Variants in STK3 observed in about 807,000 individuals in gnomAD.
STK3 encodes serine/threonine kinase 3, also known as serine/threonine-protein kinase 3.
A neutral mutation model predicts 58.0 loss-of-function variants in STK3; 41 were observed. That is an observed-to-expected ratio of 0.71 (90% CI 0.55 to 0.92). The LOEUF (loss-of-function observed/expected upper bound fraction) is 0.92, where lower values mean the gene tolerates loss of function less well. Among genes scored for constraint, STK3 ranks in the 40% least tolerant of loss-of-function variants. STK3 has a pLI of 0.00. For synonymous variants in STK3, 170 were observed against 191.0 expected, an observed-to-expected ratio of 0.89 and a Z score of 0.91; for missense variants, 479 against 602.7, an observed-to-expected ratio of 0.79 and a Z score of 2.15.
At chr8:98,919,142 A>G (rs1163032587) in intron 1 of STK3, among the ~76,000 whole-genome samples, 1 of 152,200 alleles carries the variant, frequency 6.6e-6, no homozygotes, top group African/African-American at 2.4e-5. Flanking sequence ...CATATCCAAC[A>G]GGCCCCAGGG....
At chr8:98,351,956 G>A in the STK3 span, among the ~76,000 whole-genome samples, 5 of 151,994 alleles carry the variant, frequency 3.3e-5, no homozygotes, top group South Asian at 4.1e-4. Flanking sequence ...TCAGGAGATC[G>A]AGACCATCCT....
chr8:98,557,180 G>T (rs10955187), intron 8 of STK3, among the ~76,000 whole-genome samples: 48,700 of 151,912 alleles, frequency 0.32, 8,198 homozygotes, highest in East Asian at 0.46. Context: ...CATGCATAAC[G>T]GAATTCGGGG....
chr8:98,644,449 A>G (rs1167126312), intron 6 of STK3, among the ~76,000 whole-genome samples: 2 of 152,152 alleles, frequency 1.3e-5, no homozygotes, highest in African/African-American at 4.8e-5. Context: ...TTTGTTTAAT[A>G]TTTCTAAGTC....
the STK3 span, among the ~76,000 whole-genome samples, chr8:98,362,809 C>T: frequency 6.6e-6 from 1 of 152,232 alleles, no homozygotes; most frequent in African/African-American, 2.4e-5. Context: ...GCTCCCTTCA[C>T]TTCCTTAGCC....
rs1426630666 is a variant in STK3, at chr8:98,526,498, A to G, written c.1317+244T>C. The G allele has an allele frequency of 1.7e-4, 47 of 268,732 alleles. No individual in the cohort carries two copies. In the Admixed American group the frequency reaches 2.5e-3, roughly 14 times the overall value. The allele number at this position is 268,732 out of a possible 1,614,324, so 16.6% of individuals were successfully genotyped here. A position where few individuals can be genotyped will look rare whatever the true frequency, so the allele number is the denominator to read the frequency against. ...TAGTTTTAAGGAGTCCTGAATATTT[A>G]TTTAAATTTGAGCTATGATTTATTT... On this transcript the variant is annotated intron_variant, in intron 10 of 10. Coordinates refer to ENST00000419617, the MANE Select transcript of STK3 (RefSeq NM_006281.4).
chr8:98,617,480 A>C (rs1817852133), intron 6 of STK3, among the ~76,000 whole-genome samples: 3 of 144,554 alleles, frequency 2.1e-5, no homozygotes, highest in Admixed American at 6.9e-5. Flanking sequence ...AACTGAAGGA[A>C]ATAGAGACAC....
intron 2 of STK3, 95 bp downstream of exon 2, chr8:98,774,644 C>T (rs1021357411): frequency 2.4e-6 from 2 of 840,134 alleles, no homozygotes; most frequent in East Asian, 6.0e-5. Flanking sequence ...CTATTCAATT[C>T]ATACGAATAT....
intron 6 of STK3, among the ~76,000 whole-genome samples, chr8:98,663,844 A>C (rs1822145720): frequency 6.6e-6 from 1 of 152,128 alleles, no homozygotes; most frequent in South Asian, 2.1e-4. Flanking sequence ...TGTATTTCTA[A>C]GGTAGGAGAA....
intron 3 of STK3, among the ~76,000 whole-genome samples, chr8:98,865,717 C>T (rs1837113295): frequency 6.6e-6 from 1 of 152,200 alleles, no homozygotes. Flanking sequence ...TACGACGTGC[C>T]TTTAAAATAG....
At chr8:98,839,291 C>T (rs961360097) in intron 3 of STK3, among the ~76,000 whole-genome samples, 7 of 152,098 alleles carry the variant, frequency 4.6e-5, no homozygotes, top group African/African-American at 7.2e-5. Context: ...CTCAAGCAAT[C>T]CTCCTGCCTC....
chr8:98,925,045 C>T (rs893231695), intron 1 of STK3, among the ~76,000 whole-genome samples: 3 of 152,182 alleles, frequency 2.0e-5, no homozygotes, highest in African/African-American at 7.2e-5. Context: ...AAATGTCATC[C>T]TGTAATGAGA....
At chr8:98,383,164 G>A (rs532057914) in intron 1 of STK3, among the ~76,000 whole-genome samples, 1 of 152,280 alleles carries the variant, frequency 6.6e-6, no homozygotes, top group South Asian at 2.1e-4. Context: ...GCCATTTGCT[G>A]AGCAATTTCT....
chr8:98,633,495 T>C (rs1481929945), intron 6 of STK3: 1 of 636,538 alleles, frequency 1.6e-6, no homozygotes, highest in African/African-American at 1.8e-5. Flanking sequence ...ACGATGGCGG[T>C]GGCGTTGGCT....
At chr8:98,932,554 G>A (rs1310805693) in intron 1 of STK3, among the ~76,000 whole-genome samples, 2 of 152,192 alleles carry the variant, frequency 1.3e-5, no homozygotes, top group African/African-American at 4.8e-5. Flanking sequence ...ATGAATCAGA[G>A]GAAAGTGATT....
intron 7 of STK3, among the ~76,000 whole-genome samples, chr8:98,587,909 T>A (rs951324623): frequency 2.0e-5 from 3 of 152,188 alleles, no homozygotes; most frequent in African/African-American, 7.2e-5. Context: ...TATCAGAGAC[T>A]AGGATTGCAA....
At chr8:98,437,043 A>T (rs1302210871) in intron 2 of STK3, 5 of 152,322 alleles carry the variant, frequency 3.3e-5, no homozygotes, top group Non-Finnish European at 5.9e-5. Flanking sequence ...CCTTTTCTGC[A>T]ACCCCTCCAC....
intron 3 of STK3, among the ~76,000 whole-genome samples, chr8:98,758,974 T>C (rs931074809): frequency 5.3e-5 from 8 of 152,254 alleles, no homozygotes; most frequent in East Asian, 1.9e-4. Context: ...GATTAGGCTT[T>C]GGCTTAAGAG....
intron 3 of STK3, among the ~76,000 whole-genome samples, chr8:98,412,239 C>G (rs1447618167): frequency 6.6e-6 from 1 of 152,232 alleles, no homozygotes; most frequent in Admixed American, 6.5e-5. Flanking sequence ...CTAACCTCCT[C>G]TCTACCCTCT....
At chr8:98,411,758 A>G (rs1818059659) in intron 3 of STK3, among the ~76,000 whole-genome samples, 2 of 152,202 alleles carry the variant, frequency 1.3e-5, no homozygotes, top group Admixed American at 1.3e-4. Flanking sequence ...TGTGTGACCA[A>G]CATCACTCCT....
Sources: gnomAD v4.1 joint callset for allele counts (sites outside exome capture counted in the v4.1 genomes callset) on GRCh38, gnomAD v4.1.1 for gene constraint, MANE v1.5 for transcripts, NCBI Gene and HGNC (gene_info 2026-07-23, HGNC 2026-07-21) for gene names.